MROH9: variants seen among roughly 807,000 people sequenced by gnomAD.
The protein encoded by MROH9 is maestro heat like repeat family member 9.
A neutral mutation model predicts 98.2 loss-of-function variants in MROH9; 92 were observed. That is an observed-to-expected ratio of 0.94 (90% CI 0.79 to 1.11). The LOEUF (loss-of-function observed/expected upper bound fraction) is 1.11, where lower values mean the gene tolerates loss of function less well. Among genes scored for constraint, MROH9 ranks in the 50% most tolerant of loss-of-function variants. The pLI, the probability that MROH9 is intolerant of heterozygous loss-of-function variation, is 0.00. For synonymous variants in MROH9, 397 were observed against 368.9 expected, an observed-to-expected ratio of 1.08 and a Z score of -0.87; for missense variants, 1,057 against 1,014.8, an observed-to-expected ratio of 1.04 and a Z score of -0.57.
At chr1:170,981,591 C>T (rs1486932645) in intron 8 of MROH9, among the ~76,000 whole-genome samples, 3 of 151,994 alleles carry the variant, frequency 2.0e-5, no homozygotes, top group African/African-American at 7.3e-5. Context: ...GGGAACAACA[C>T]ACACCAGGGC....
At chr1:171,063,454 G>A (rs1177440004) in intron 21 of MROH9, among the ~76,000 whole-genome samples, 4 of 151,818 alleles carry the variant, frequency 2.6e-5, no homozygotes, top group Non-Finnish European at 4.4e-5. Context: ...AGGTTTCACC[G>A]TGTTAGCCAG....
intron 7 of MROH9, among the ~76,000 whole-genome samples, chr1:170,966,919 G>C (rs1452289952): frequency 6.6e-6 from 1 of 152,078 alleles, no homozygotes; most frequent in Admixed American, 6.6e-5. Flanking sequence ...TATATATTCA[G>C]CAAGTATTTG....
rs185024086 is a variant in MROH9 at position 171,014,259 on chromosome 1, G to T, written c.1734+5G>T. The T allele has an allele frequency of 3.6e-5, 56 of 1,547,316 alleles. No individual in the cohort carries two copies. In the African/African-American group the frequency reaches 7.0e-4, roughly 19 times the overall value. ...ATGTCACCAATTATCAATAAGGTAT[G>T]TGTATGTGATTTGTGTCTGCAAGCA... On this transcript the variant is annotated splice_donor_5th_base_variant and intron_variant, in intron 16 of 21. Coordinates refer to ENST00000367759, the MANE Select transcript of MROH9 (RefSeq NM_001163629.2).
chr1:171,033,146 G>C (rs577270998), intron 20 of MROH9, among the ~76,000 whole-genome samples: 1 of 152,362 alleles, frequency 6.6e-6, no homozygotes, highest in East Asian at 1.9e-4. Flanking sequence ...GAAAAGCACA[G>C]CCTGGGGCTT....
At chr1:170,980,821 A>T (rs528329359) in intron 8 of MROH9, among the ~76,000 whole-genome samples, 17 of 152,328 alleles carry the variant, frequency 1.1e-4, no homozygotes, top group South Asian at 1.0e-3. Context: ...CTATTATCAG[A>T]GTGAATAAGC....
intron 3 of MROH9, among the ~76,000 whole-genome samples, chr1:170,949,136 C>T (rs2101875571): frequency 6.6e-6 from 1 of 152,086 alleles, no homozygotes; most frequent in African/African-American, 2.4e-5. Context: ...CCTTTATTTC[C>T]CCATGTCAAC....
chr1:170,976,156 G>A (rs1378181339), intron 8 of MROH9, among the ~76,000 whole-genome samples: 1 of 151,896 alleles, frequency 6.6e-6, no homozygotes, highest in Non-Finnish European at 1.5e-5. Context: ...TTACCTTCAA[G>A]GTTTGTGTTA....
At chr1:171,046,541 C>T (rs915014986) in intron 20 of MROH9, among the ~76,000 whole-genome samples, 1 of 152,272 alleles carries the variant, frequency 6.6e-6, no homozygotes. Context: ...ACACTATTTG[C>T]ATAAACAAAC....
chr1:170,961,771 A>G (rs1650025469), intron 5 of MROH9, 119 bp from the exon 6 acceptor site: 1 of 450,358 alleles, frequency 2.2e-6, no homozygotes, highest in Non-Finnish European at 4.0e-6. Flanking sequence ...TGTGTCACTG[A>G]TTTATGTTCA....
intron 8 of MROH9, 121 bp from the exon 9 acceptor site, chr1:170,983,301 A>G: frequency 1.6e-6 from 1 of 642,094 alleles, no homozygotes; most frequent in Non-Finnish European, 2.7e-6. Flanking sequence ...GCAGAGAGTT[A>G]AATATTCGGA....
chr1:171,058,331 A>G, intron 20 of MROH9, among the ~76,000 whole-genome samples: 1 of 151,390 alleles, frequency 6.6e-6, no homozygotes, highest in Non-Finnish European at 1.5e-5. Flanking sequence ...CGGGTCAAGG[A>G]AATAAGAGAG....
chr1:170,941,780 T>A (rs1190801592), intron 1 of MROH9, among the ~76,000 whole-genome samples: 3 of 152,164 alleles, frequency 2.0e-5, no homozygotes, highest in African/African-American at 7.2e-5. Flanking sequence ...CACAAATTGC[T>A]TGCTGTAGTG....
intron 15 of MROH9, among the ~76,000 whole-genome samples, chr1:171,011,638 T>C (rs1341048196): frequency 1.3e-5 from 2 of 152,164 alleles, no homozygotes; most frequent in African/African-American, 4.8e-5. Context: ...GGGTCTGCCA[T>C]TGGAAAACCT....
intron 15 of MROH9, among the ~76,000 whole-genome samples, chr1:171,005,078 T>G (rs1373318095): frequency 6.6e-6 from 1 of 152,126 alleles, no homozygotes; most frequent in Non-Finnish European, 1.5e-5. Context: ...ACATTTTTAT[T>G]TTTTTGAGAC....
intron 20 of MROH9, among the ~76,000 whole-genome samples, chr1:171,051,288 G>T (rs1016174495): frequency 1.3e-5 from 2 of 151,982 alleles, no homozygotes; most frequent in Non-Finnish European, 2.9e-5. Context: ...TACATGCACA[G>T]GTATGATCAT....
rs1320983032 is a variant in MROH9, at chr1:170,998,266, C to T, written c.1588C>T (p.Leu530Phe). Residue 530 changes from leucine to phenylalanine, a missense_variant, in exon 15 of 22, where the codon CTC becomes TTC. Coordinates refer to ENST00000367759, the MANE Select transcript of MROH9 (RefSeq NM_001163629.2). ...SEDTVIVLIF[L>F]TELLNNFFKD... ...AGACACTGTCATCGTATTAATATTCCTCACTGAAGTGAGTTTTGTAGACTG... is the reference window on the plus strand; with the variant it reads ...AGACACTGTCATCGTATTAATATTCTTCACTGAAGTGAGTTTTGTAGACTG... The T allele has an allele frequency of 1.2e-6, 2 of 1,613,442 alleles. No individual in the cohort carries two copies. The highest frequency in any genetic ancestry group is 2.2e-5 in the East Asian group (1 of 44,850).
At chr1:170,976,837 G>C (rs950992770) in intron 8 of MROH9, among the ~76,000 whole-genome samples, 3 of 152,110 alleles carry the variant, frequency 2.0e-5, no homozygotes, top group Non-Finnish European at 4.4e-5. Context: ...CAAGTTGTTG[G>C]CTTTCTCTCC....
chr1:170,975,994 A>G (rs1207623280), intron 8 of MROH9, among the ~76,000 whole-genome samples: 1 of 151,356 alleles, frequency 6.6e-6, no homozygotes, highest in Non-Finnish European at 1.5e-5. Context: ...TCTGTTTTCC[A>G]TTTGCTTGGT....
intron 15 of MROH9, among the ~76,000 whole-genome samples, chr1:171,001,209 T>G (rs1651771873): frequency 6.6e-6 from 1 of 152,092 alleles, no homozygotes. Flanking sequence ...TTCATTTACC[T>G]TTTGTACTTT....
Sources: allele counts gnomAD v4.1 joint callset (sites outside exome capture counted in the v4.1 genomes callset), GRCh38; gene constraint gnomAD v4.1.1; transcripts MANE v1.5; gene names NCBI Gene and HGNC (gene_info 2026-07-23, HGNC 2026-07-21).